TRAK1: variants seen among roughly 807,000 people sequenced by gnomAD.
TRAK1 encodes trafficking kinesin-binding protein 1.
In TRAK1, 33 loss-of-function variants were observed where a neutral mutation model predicts 92.1. The ratio of observed to expected loss-of-function variants is 0.36; its 90% CI spans 0.27 to 0.48. The LOEUF is 0.48. Ranked by LOEUF, TRAK1 falls within the 20% of genes least tolerant of loss-of-function variation. The pLI is 0.99. For missense variants in TRAK1, 1,123 were observed against 1,257.9 expected (o/e 0.89, Z 1.62); for synonymous variants, 521 against 517.3 (o/e 1.01, Z -0.10).
intron 2 of TRAK1, chr3:42,149,378 T>G: frequency 6.9e-7 from 1 of 1,442,808 alleles, no homozygotes. Context: ...TTTACTGTTT[T>G]GGCTCCAGAC....
intron 7 of TRAK1, 25 bp downstream of exon 7, chr3:42,191,661 T>G (rs903814166): frequency 6.3e-7 from 1 of 1,577,234 alleles, no homozygotes; most frequent in East Asian, 2.3e-5. Context: ...TGCTGTCTTC[T>G]TACTTCCTTG....
chr3:42,066,822 G>A (rs1576226827), intron 1 of TRAK1, among the ~76,000 whole-genome samples: 3 of 152,038 alleles, frequency 2.0e-5, no homozygotes, highest in Admixed American at 6.6e-5. Flanking sequence ...CCTAGTAACG[G>A]CCCTGTTAAT....
At chr3:42,167,840 A>C (rs965973194) in intron 2 of TRAK1, among the ~76,000 whole-genome samples, 2 of 152,234 alleles carry the variant, frequency 1.3e-5, no homozygotes, top group African/African-American at 4.8e-5. Context: ...AGATCACGCC[A>C]CTGCACTCCA....
At chr3:42,154,981 T>C (rs765850218) in intron 2 of TRAK1, among the ~76,000 whole-genome samples, 44 of 151,882 alleles carry the variant, frequency 2.9e-4, no homozygotes, top group Admixed American at 3.3e-4. Flanking sequence ...AGGAAAAACT[T>C]TATGCCTCTA....
chr3:42,034,287 TA>T (rs1399297015), intron 1 of TRAK1, among the ~76,000 whole-genome samples: 1 of 151,026 alleles, frequency 6.6e-6, no homozygotes, highest in Non-Finnish European at 1.5e-5. Context: ...AGCTGGGTCA[TA>T]GGGTCCTTTT....
At chr3:42,175,459 C>G (rs944452819) in intron 2 of TRAK1, among the ~76,000 whole-genome samples, 2 of 152,176 alleles carry the variant, frequency 1.3e-5, no homozygotes, top group African/African-American at 2.4e-5. Flanking sequence ...CCCTCCCTGG[C>G]AGCTCTGTCT....
intron 2 of TRAK1, among the ~76,000 whole-genome samples, chr3:42,148,739 G>A (rs1391709657): frequency 6.6e-6 from 1 of 152,196 alleles, no homozygotes; most frequent in South Asian, 2.1e-4. Context: ...GCAGAGAATA[G>A]TAGTGCATCT....
At chr3:42,220,481 A>G in intron 15 of TRAK1, 5 of 985,396 alleles carry the variant, frequency 5.1e-6, no homozygotes, top group Non-Finnish European at 6.0e-6. Context: ...ACCTTAAACT[A>G]TGAATAATTC....
chr3:42,043,313 G>A (rs1702621364), intron 1 of TRAK1, among the ~76,000 whole-genome samples: 1 of 151,406 alleles, frequency 6.6e-6, no homozygotes, highest in African/African-American at 2.4e-5. Flanking sequence ...TTTTTGTCCA[G>A]CATTCCTCTC....
intron 14 of TRAK1, chr3:42,210,607 A>G (rs1257590919): frequency 2.1e-5 from 22 of 1,024,810 alleles, no homozygotes; most frequent in South Asian, 4.6e-5. Flanking sequence ...TGTACGCTGT[A>G]TTAAAATAGA....
At chr3:42,208,123 G>A (rs1381868264) in intron 13 of TRAK1, among the ~76,000 whole-genome samples, 2 of 152,042 alleles carry the variant, frequency 1.3e-5, no homozygotes, top group Admixed American at 6.6e-5. Context: ...GTGAGAGAAC[G>A]GATATGTGAT....
chr3:42,083,055 C>G (rs567258484), upstream of TRAK1, among the ~76,000 whole-genome samples: 1 of 152,156 alleles, frequency 6.6e-6, no homozygotes, highest in Non-Finnish European at 1.5e-5. Context: ...TACTTGAGCC[C>G]GAGAGCTACA....
intron 5 of TRAK1, among the ~76,000 whole-genome samples, chr3:42,188,398 C>T (rs1705204490): frequency 6.6e-6 from 1 of 152,122 alleles, no homozygotes; most frequent in Non-Finnish European, 1.5e-5. Flanking sequence ...ATTGATTTGC[C>T]CTGGCACATT....
upstream of TRAK1, among the ~76,000 whole-genome samples, chr3:42,088,446 A>G (rs73828535): frequency 3.9e-3 from 587 of 152,172 alleles, 2 homozygotes; most frequent in African/African-American, 0.014. Context: ...CAGTTCCAAC[A>G]TCTCCCTTTT....
upstream of TRAK1, among the ~76,000 whole-genome samples, chr3:42,090,352 A>C (rs1429425911): frequency 6.6e-6 from 1 of 152,210 alleles, no homozygotes; most frequent in East Asian, 1.9e-4. Flanking sequence ...ACTTTCTTTG[A>C]ATGTGACAGT....
intron 4 of TRAK1, among the ~76,000 whole-genome samples, chr3:42,187,290 G>T (rs769146157): frequency 6.6e-5 from 10 of 152,190 alleles, no homozygotes; most frequent in Non-Finnish European, 1.5e-4. Context: ...TGCCTGTATT[G>T]CCCGTGCAGA....
At chr3:42,043,897 CT>C (rs1041107845) in intron 1 of TRAK1, among the ~76,000 whole-genome samples, 7 of 151,442 alleles carry the variant, frequency 4.6e-5, no homozygotes, top group South Asian at 2.1e-4. Context: ...AGGAAGCCAC[CT>C]TTTTTTTTAA....
chr3:42,140,488 G>T (rs996170625), intron 2 of TRAK1, among the ~76,000 whole-genome samples: 1 of 152,132 alleles, frequency 6.6e-6, no homozygotes, highest in Non-Finnish European at 1.5e-5. Flanking sequence ...TTAGCCACGC[G>T]TGGTGGCACA....
intron 1 of TRAK1, among the ~76,000 whole-genome samples, chr3:42,094,965 C>T (rs185151691): frequency 1.2e-4 from 18 of 152,294 alleles, no homozygotes; most frequent in Non-Finnish European, 1.6e-4. Context: ...TCTATTCAGA[C>T]CCCAGCTGAC....
Sources: gnomAD v4.1 joint callset for allele counts (sites outside exome capture counted in the v4.1 genomes callset) on GRCh38, gnomAD v4.1.1 for gene constraint, MANE v1.5 for transcripts, NCBI Gene and HGNC (gene_info 2026-07-23, HGNC 2026-07-21) for gene names.